AK8: variants seen among roughly 807,000 people sequenced by gnomAD.
AK8 encodes the protein ATP-AMP transphosphorylase 8.
In AK8, 44 loss-of-function variants were observed where a neutral mutation model predicts 54.6. The observed-to-expected ratio is 0.81, with a 90% CI of 0.63 to 1.04. The LOEUF is 1.04. AK8 is among the 50% of genes least tolerant of loss of function. The pLI is 0.00. For synonymous variants in AK8, 239 were observed against 245.6 expected (o/e 0.97, Z 0.25); for missense variants, 555 against 613.6 (o/e 0.90, Z 1.01).
chr9:132,873,345 C>T (rs1177407805), intron 2 of AK8, among the ~76,000 whole-genome samples: 2 of 152,264 alleles, frequency 1.3e-5, no homozygotes, highest in Middle Eastern at 3.4e-3. Context: ...ATTTCACAAA[C>T]GAGGAAAGTG....
At chr9:132,802,821 C>A (rs767462216) in intron 10 of AK8, among the ~76,000 whole-genome samples, 1 of 152,212 alleles carries the variant, frequency 6.6e-6, no homozygotes, top group African/African-American at 2.4e-5. Context: ...ACCTCCTTGC[C>A]ATGTCCTGCC....
intron 5 of AK8, among the ~76,000 whole-genome samples, chr9:132,853,783 C>CAAAAAAAAAAAAAA (rs71376669): frequency 3.1e-4 from 13 of 42,592 alleles, no homozygotes; most frequent in Non-Finnish European, 4.2e-4. Flanking sequence ...GACTCTGCCT[C>CAAAAAAAAAAAAAA]AAAAAAAAAA....
chr9:132,834,691 G>C lies in AK8; in HGVS notation c.403-5965C>G, dbSNP rs138851643. On this transcript the variant is annotated intron_variant, in intron 5 of 12. Transcript: ENST00000298545. ...TCTTACAACGCCGAAATATGCAGGAGTGATTTTTCTAAACAGAGTTGAATT... is the reference window on the plus strand; with the variant it reads ...TCTTACAACGCCGAAATATGCAGGACTGATTTTTCTAAACAGAGTTGAATT... Among the ~76,000 whole-genome samples the C allele has an allele frequency of 5.3e-5, 8 of 152,246 alleles. No homozygotes were observed. The East Asian group carries it at 1.4e-3, about 26-fold the overall frequency.
intron 5 of AK8, among the ~76,000 whole-genome samples, chr9:132,853,242 C>T (rs1263923894): frequency 1.3e-5 from 2 of 151,252 alleles, no homozygotes; most frequent in Non-Finnish European, 2.9e-5. Context: ...CCTGTAATCC[C>T]AGCTACTCAG....
rs1231097998 is a variant in AK8 at position 132,749,960 on chromosome 9, CGAGATACTGACAGCACACTCCTA to C, written c.1122-22449_1122-22427del. 4.7e-3 allele frequency among the ~76,000 whole-genome samples: 684 copies of C among 146,984 alleles called. 3 individuals are homozygous for C. Among genetic ancestry groups the C allele is most frequent in the African/African-American group, 0.016 (638 of 38,940 alleles). On this transcript the variant is annotated intron_variant, in intron 11 of 12. Transcript: ENST00000298545. ...CCTCCTTCCTCTGTCTTCCTTACCT[CGAGATACTGACAGCACACTCCTA>C]GAGATACTGACAGCACACTCTTGGA...
intron 5 of AK8, among the ~76,000 whole-genome samples, chr9:132,852,172 T>C (rs1014718944): frequency 1.3e-5 from 2 of 152,046 alleles, no homozygotes; most frequent in Non-Finnish European, 2.9e-5. Flanking sequence ...ATGTGACTGA[T>C]AGAGAGTAAA....
At chr9:132,802,198 T>A (rs1485685356) in intron 10 of AK8, among the ~76,000 whole-genome samples, 1 of 152,220 alleles carries the variant, frequency 6.6e-6, no homozygotes, top group Non-Finnish European at 1.5e-5. Context: ...TGTGGCTGCC[T>A]CCCAGGCACG....
At chr9:132,746,789 G>A (rs1297743705) in intron 11 of AK8, among the ~76,000 whole-genome samples, 1 of 152,152 alleles carries the variant, frequency 6.6e-6, no homozygotes, top group African/African-American at 2.4e-5. Context: ...CACGTGAGGC[G>A]AGCACTCAGT....
At chr9:132,755,419 G>A (rs1385092861) in intron 11 of AK8, among the ~76,000 whole-genome samples, 1 of 152,158 alleles carries the variant, frequency 6.6e-6, no homozygotes, top group African/African-American at 2.4e-5. Context: ...AAACCTCAAA[G>A]AATGCGCTCA....
chr9:132,820,324 G>T (rs555312685), intron 9 of AK8, among the ~76,000 whole-genome samples: 2 of 151,604 alleles, frequency 1.3e-5, no homozygotes, highest in Non-Finnish European at 2.9e-5. Flanking sequence ...ATGCTTTTTT[G>T]AACAAAAATG....
rs369919024 is a variant in AK8 at position 132,792,744 on chromosome 9, G to A, written c.1011C>T (p.Ser337=). 2 of 1,559,784 alleles carry A rather than the reference G, an allele frequency of 1.3e-6. No homozygotes were observed. Among genetic ancestry groups the A allele is most frequent in the Admixed American group, 1.9e-5 (1 of 52,200 alleles). ...TGCAGTCCTGCTGGTCCAGGCGCTGGCTCAGCACCTTCATGAGGAGGCTGT... is the reference window on the plus strand; with the variant it reads ...TGCAGTCCTGCTGGTCCAGGCGCTGACTCAGCACCTTCATGAGGAGGCTGT... ...VPDSLLMKVL[S]QRLDQQDCIQ... is the part of the protein sequence containing the mutation. Residue 337 remains serine (S), a synonymous_variant, in exon 11 of 13, where the codon AGC becomes AGT. Coordinates refer to ENST00000298545, the MANE Select transcript of AK8 (RefSeq NM_152572.3).
chr9:132,726,471 T>A (rs1836580118), intron 12 of AK8, among the ~76,000 whole-genome samples: 1 of 152,230 alleles, frequency 6.6e-6, no homozygotes, highest in South Asian at 2.1e-4. Flanking sequence ...TTTCACCATG[T>A]TGGCCAAGCT....
chr9:132,847,090 C>T (rs80096985), intron 5 of AK8, among the ~76,000 whole-genome samples: 437 of 152,376 alleles, frequency 2.9e-3, no homozygotes, highest in African/African-American at 7.1e-3. Flanking sequence ...GGCCAGCTCC[C>T]GGCTTCTGCT....
In AK8 at chr9:132,814,603, G is replaced by GT. The variant is rs747032907; in HGVS notation, c.979+34dup. ...AAAAAGAAAGTTCTCTCTGGAGCCT[G>GT]TAAGGTCATGACAGTTAGTGGGAAC... On this transcript the variant is annotated intron_variant, in intron 10 of 12. Coordinates refer to ENST00000298545, the MANE Select transcript of AK8 (RefSeq NM_152572.3). 49 of 1,594,394 alleles carry GT rather than the reference G, an allele frequency of 3.1e-5. No homozygotes were observed. The African/African-American group carries it at 5.1e-4, about 17-fold the overall frequency.
chr9:132,740,004 C>T (rs1467845015), intron 11 of AK8, among the ~76,000 whole-genome samples: 4 of 152,204 alleles, frequency 2.6e-5, no homozygotes, highest in Admixed American at 6.5e-5. Context: ...AGGGACGACC[C>T]CTGATTTGTA....
At chr9:132,754,885 C>T (rs149558442) in intron 11 of AK8, among the ~76,000 whole-genome samples, 191 of 151,938 alleles carry the variant, frequency 1.3e-3, no homozygotes, top group African/African-American at 4.3e-3. Context: ...TTGCAACCTC[C>T]ACCTCCTGGA....
intron 11 of AK8, among the ~76,000 whole-genome samples, chr9:132,749,216 A>G (rs536064696): frequency 6.6e-6 from 1 of 151,996 alleles, no homozygotes; most frequent in Non-Finnish European, 1.5e-5. Context: ...GCTACATAAC[A>G]TAATTTCACG....
intron 10 of AK8, among the ~76,000 whole-genome samples, chr9:132,795,483 C>T (rs550105485): frequency 2.0e-5 from 3 of 152,266 alleles, no homozygotes; most frequent in South Asian, 2.1e-4. Context: ...GAATAAATAC[C>T]GATTTAAAAC....
At chr9:132,767,448 G>T (rs1372499867) in intron 11 of AK8, among the ~76,000 whole-genome samples, 2 of 147,442 alleles carry the variant, frequency 1.4e-5, no homozygotes, top group Non-Finnish European at 3.0e-5. Context: ...AGCAAAAATT[G>T]AAAAAAAAAA....
Sources: allele counts gnomAD v4.1 joint callset (sites outside exome capture counted in the v4.1 genomes callset), GRCh38; gene constraint gnomAD v4.1.1; transcripts MANE v1.5; gene names NCBI Gene and HGNC (gene_info 2026-07-23, HGNC 2026-07-21).